ERI3: variants seen among roughly 807,000 people sequenced by gnomAD.
The protein encoded by ERI3 is ERI1 exoribonuclease 3.
A neutral mutation model predicts 44.4 loss-of-function variants in ERI3; 18 were observed. That is an observed-to-expected ratio of 0.41 (90% CI 0.28 to 0.60). ERI3 has a LOEUF of 0.60. Ranked by LOEUF, ERI3 falls within the 20% of genes least tolerant of loss-of-function variation. The probability of loss-of-function intolerance (pLI) is 0.36; values close to 1 mark genes in which losing one functional copy is unlikely to be tolerated. For synonymous variants in ERI3, 183 were observed against 164.8 expected, an observed-to-expected ratio of 1.11 and a Z score of -0.84; for missense variants, 294 against 435.5, an observed-to-expected ratio of 0.68 and a Z score of 2.89.
intron 8 of ERI3, among the ~76,000 whole-genome samples, chr1:44,237,701 G>A (rs1057447514): frequency 1.3e-5 from 2 of 152,268 alleles, no homozygotes; most frequent in South Asian, 2.1e-4. Context: ...AGCTCTGCCA[G>A]GGCAGAGGCC....
At chr1:44,238,644 C>T (rs1557774600) in intron 8 of ERI3, among the ~76,000 whole-genome samples, 1 of 152,124 alleles carries the variant, frequency 6.6e-6, no homozygotes, top group Non-Finnish European at 1.5e-5. Context: ...GACGGGGAGG[C>T]AGGAAGGATG....
rs373169919 is a variant in ERI3, at chr1:44,354,863, T to C, written c.135+29A>G. On this transcript the variant is annotated intron_variant, in intron 1 of 8. Coordinates refer to ENST00000372257, the MANE Select transcript of ERI3 (RefSeq NM_024066.3). ...CCCGCATGCATTAACCAGGGCCCAA[T>C]CTTGGCGGGGCCATTCAGCATCACC... is the stretch of plus-strand genomic sequence containing the variant. The C allele has an allele frequency of 1.2e-3, 1,584 of 1,314,400 alleles. 2 individuals are homozygous for C. Among genetic ancestry groups the C allele is most frequent in the Non-Finnish European group, 1.5e-3 (1,514 of 1,022,840 alleles). 81.4% of individuals were successfully genotyped at this position (1,314,400 alleles called of 1,614,324 possible). A position where few individuals can be genotyped will look rare whatever the true frequency, so the allele number is the denominator to read the frequency against.
intron 7 of ERI3, among the ~76,000 whole-genome samples, chr1:44,276,844 A>ACCC (rs1167780787): frequency 6.6e-6 from 1 of 152,046 alleles, no homozygotes; most frequent in East Asian, 1.9e-4. Context: ...GAAAATCTCC[A>ACCC]CCCTGAATGA....
intron 2 of ERI3, among the ~76,000 whole-genome samples, chr1:44,346,295 T>G (rs1646781491): frequency 6.6e-6 from 1 of 152,110 alleles, no homozygotes; most frequent in Non-Finnish European, 1.5e-5. Flanking sequence ...AACACCAAAT[T>G]CTGAGGGCAA....
At chr1:44,223,523 C>T (rs967552727) in intron 8 of ERI3, among the ~76,000 whole-genome samples, 1 of 152,102 alleles carries the variant, frequency 6.6e-6, no homozygotes, top group South Asian at 2.1e-4. Flanking sequence ...CCCTAGGGAC[C>T]GTGGCCGCTG....
In ERI3 at chr1:44,313,170, T is replaced by C. The variant is rs1255321959; in HGVS notation, c.665A>G (p.Glu222Gly). Reference protein sequence around the residue: ...DGQPSLQQVLERVDEWMAKEG... With the variant: ...DGQPSLQQVLGRVDEWMAKEG... ...GGAATTAAAGGTCACTCAACCTACC[T>C]CCAGCACTTGCTGCAGGCTTGGCTG... is the stretch of plus-strand genomic sequence containing the variant. Residue 222 changes from glutamate to glycine, a missense_variant and splice_region_variant, in exon 5 of 9, where the codon GAG becomes GGG. By Grantham distance (98) the Glu-to-Gly change is moderately conservative. Around this residue, in one of 2 missense-constraint regions of ERI3, gnomAD observed 187 missense variants for 338.6 expected, o/e 0.55. Transcript: ENST00000372257. 1 of 1,614,100 alleles carries C rather than the reference T, an allele frequency of 6.2e-7. No homozygotes were observed. The highest frequency in any genetic ancestry group is 1.1e-5 in the South Asian group (1 of 91,072).
At chr1:44,237,059 CAG>C (rs1206039143) in intron 8 of ERI3, among the ~76,000 whole-genome samples, 2 of 152,148 alleles carry the variant, frequency 1.3e-5, no homozygotes, top group African/African-American at 2.4e-5. Context: ...TCAGGGGACT[CAG>C]GGGAGCGCCT....
chr1:44,244,978 C>T (rs530779648), intron 8 of ERI3, among the ~76,000 whole-genome samples: 1 of 152,230 alleles, frequency 6.6e-6, no homozygotes, highest in East Asian at 1.9e-4. Flanking sequence ...CTTACCCCCC[C>T]AGCCAATACA....
intron 8 of ERI3, among the ~76,000 whole-genome samples, chr1:44,224,833 A>G (rs1643996799): frequency 6.6e-6 from 1 of 152,198 alleles, no homozygotes; most frequent in Non-Finnish European, 1.5e-5. Context: ...GAGACCAGGG[A>G]AAGGAAGAAA....
intron 5 of ERI3, among the ~76,000 whole-genome samples, chr1:44,310,963 G>GCGCGCGCGCGCGCGCGCACA (rs1373873768): frequency 1.9e-4 from 24 of 123,198 alleles, no homozygotes; most frequent in Non-Finnish European, 3.2e-4. Context: ...GCGCGCGCGC[G>GCGCGCGCGCGCGCGCGCACA]CACACACACA....
At chr1:44,326,592 AC>A (rs911288099) in intron 3 of ERI3, among the ~76,000 whole-genome samples, 1 of 152,180 alleles carries the variant, frequency 6.6e-6, no homozygotes, top group African/African-American at 2.4e-5. Flanking sequence ...CTTATAAATT[AC>A]CCGTCGATTT....
intron 2 of ERI3, among the ~76,000 whole-genome samples, chr1:44,351,162 T>TC (rs1248596864): frequency 6.6e-6 from 1 of 152,114 alleles, no homozygotes; most frequent in Non-Finnish European, 1.5e-5. Context: ...GCCTCCCAAG[T>TC]AGCTGGGATT....
chr1:44,253,689 C>T (rs1156752774), intron 7 of ERI3, among the ~76,000 whole-genome samples: 2 of 152,222 alleles, frequency 1.3e-5, no homozygotes, highest in Non-Finnish European at 2.9e-5. Flanking sequence ...AGTTTCCCTG[C>T]AGTCCGGGGC....
At chr1:44,279,356 C>T (rs901536647) in intron 7 of ERI3, among the ~76,000 whole-genome samples, 2 of 152,168 alleles carry the variant, frequency 1.3e-5, no homozygotes, top group Non-Finnish European at 2.9e-5. Context: ...TCCCAAGTAG[C>T]TAGGACTATG....
intron 8 of ERI3, among the ~76,000 whole-genome samples, chr1:44,242,751 G>A (rs1168355737): frequency 6.6e-6 from 1 of 152,182 alleles, no homozygotes; most frequent in Admixed American, 6.5e-5. Flanking sequence ...ACTCCCTGCT[G>A]GGCAAGACGG....
Position 44,355,129 on chromosome 1 carries a change from G to T in ERI3, c.-103C>A, listed in dbSNP as rs543531697. 7.3e-6 allele frequency: 9 copies of T among 1,232,246 alleles called. No homozygotes were observed. The South Asian group carries it at 2.5e-4, about 34-fold the overall frequency. 76.3% of individuals were successfully genotyped at this position (1,232,246 alleles called of 1,614,324 possible). ...AGCGCTCAGGGCAGTTGGCGGCGGC[G>T]GGCGCGGCCCGCGCCGACTGCGGCG... On this transcript the variant is annotated 5_prime_UTR_variant, in exon 1 of 9. Coordinates refer to ENST00000372257, the MANE Select transcript of ERI3 (RefSeq NM_024066.3).
At chr1:44,246,415 G>A (rs1043542378) in intron 8 of ERI3, among the ~76,000 whole-genome samples, 1 of 152,196 alleles carries the variant, frequency 6.6e-6, no homozygotes, top group South Asian at 2.1e-4. Flanking sequence ...TGGGTTTGGC[G>A]TCTTCTCTAG....
intron 6 of ERI3, among the ~76,000 whole-genome samples, chr1:44,307,273 C>T (rs1645857259): frequency 6.6e-6 from 1 of 152,088 alleles, no homozygotes; most frequent in Non-Finnish European, 1.5e-5. Flanking sequence ...ATAACTTCAC[C>T]TCAATGCCCA....
At chr1:44,305,524 T>C (rs1209396014) in intron 6 of ERI3, among the ~76,000 whole-genome samples, 2 of 152,190 alleles carry the variant, frequency 1.3e-5, no homozygotes, top group African/African-American at 4.8e-5. Context: ...TCCACATCAC[T>C]AAATAAAAAC....
Sources: allele counts gnomAD v4.1 joint callset (sites outside exome capture counted in the v4.1 genomes callset), GRCh38; gene constraint gnomAD v4.1.1; regional missense constraint gnomAD v4.1.1; transcripts MANE v1.5; gene names NCBI Gene and HGNC (gene_info 2026-07-23, HGNC 2026-07-21).